The following TTC7A variants were observed in gnomAD, a reference collection of about 807,000 sequenced individuals.
The protein encoded by TTC7A is tetratricopeptide repeat domain 7A, also known as tetratricopeptide repeat protein 7A.
In TTC7A, 110 loss-of-function variants were observed where a neutral mutation model predicts 103.7. That is an observed-to-expected ratio of 1.06 (90% CI 0.91 to 1.24). The LOEUF (loss-of-function observed/expected upper bound fraction) is 1.24, where lower values mean the gene tolerates loss of function less well. Among genes scored for constraint, TTC7A ranks in the 50% most tolerant of loss-of-function variants. TTC7A has a pLI of 0.00. For missense variants in TTC7A, 1,340 were observed against 1,116.3 expected (o/e 1.20, Z -2.86); for synonymous variants, 521 against 467.9 (o/e 1.11, Z -1.47).
intron 2 of TTC7A, among the ~76,000 whole-genome samples, chr2:46,953,898 A>G (rs1356494629): frequency 1.3e-5 from 2 of 151,092 alleles, no homozygotes; most frequent in African/African-American, 4.9e-5. Context: ...CTGGGTTTCA[A>G]GCGATCCTCT....
At chr2:47,021,758 C>A in intron 11 of TTC7A, 104 bp from the exon 12 acceptor site, 1 of 878,002 alleles carries the variant, frequency 1.1e-6, no homozygotes, top group South Asian at 1.5e-5. Flanking sequence ...GGCCCTGTGA[C>A]CTTGAGCACA....
At position 47,069,283 on chromosome 2, in the gene TTC7A, G is replaced by A. The variant is rs185076714; in HGVS notation, c.2356-4419G>A. Among the ~76,000 whole-genome samples, 8 of 152,242 alleles carry A rather than the reference G, an allele frequency of 5.3e-5. No individual in the cohort carries two copies. In the East Asian group the frequency reaches 1.2e-3, roughly 22 times the overall value. On this transcript the variant is annotated intron_variant, in intron 19 of 19. Coordinates refer to ENST00000319190, the MANE Select transcript of TTC7A (RefSeq NM_020458.4). ...AGAGTCCCCCAGGATGTGACCCATC[G>A]GGCCCCTGGCCGCTGGTCCCTGCCC... is the stretch of plus-strand genomic sequence containing the variant.
intron 15 of TTC7A, among the ~76,000 whole-genome samples, chr2:47,042,702 G>GTGTGTGTGTGTGTATATATA (rs111460716): frequency 7.0e-6 from 1 of 142,636 alleles, no homozygotes; most frequent in Non-Finnish European, 1.5e-5. Context: ...GTGTGTGTGT[G>GTGTGTGTGTGTGTATATATA]TATATATATG....
chr2:47,006,243 C>A (rs1235271370), intron 9 of TTC7A, among the ~76,000 whole-genome samples, 184 bp downstream of exon 9: 1 of 152,126 alleles, frequency 6.6e-6, no homozygotes, highest in South Asian at 2.1e-4. Flanking sequence ...GTTAGAGAAC[C>A]CACCTGACAA....
At chr2:46,991,678 A>G (rs1345675709) in intron 5 of TTC7A, among the ~76,000 whole-genome samples, 2 of 152,186 alleles carry the variant, frequency 1.3e-5, no homozygotes, top group African/African-American at 4.8e-5. Context: ...TATTATTAGG[A>G]CTAATAGTGG....
chr2:46,993,155 A>C (rs1675798727), intron 5 of TTC7A, among the ~76,000 whole-genome samples: 1 of 152,222 alleles, frequency 6.6e-6, no homozygotes, highest in Non-Finnish European at 1.5e-5. Context: ...GTCCAAGGTC[A>C]CACCTTGTTT....
At chr2:47,059,151 C>T (rs1230428341) in intron 18 of TTC7A, among the ~76,000 whole-genome samples, 14 of 150,300 alleles carry the variant, frequency 9.3e-5, no homozygotes, top group African/African-American at 3.2e-4. Context: ...CTCCCAAGTA[C>T]CTGGGACCAC....
At chr2:47,054,547 A>G (rs1350323024) in intron 18 of TTC7A, among the ~76,000 whole-genome samples, 1 of 152,138 alleles carries the variant, frequency 6.6e-6, no homozygotes, top group Admixed American at 6.6e-5. Context: ...AAGTCAGGGG[A>G]TCAGGCCGGG....
rs539749387 is a variant in TTC7A at position 47,038,668 on chromosome 2, G to C, written c.1803-7647G>C. On this transcript the variant is annotated intron_variant, in intron 15 of 19. Transcript: ENST00000319190. ...CCCCCACCCACCCCCCCGACACACA[G>C]AGGGTTCCCAGAATGGCCAGGAGCC... Among the ~76,000 whole-genome samples the C allele has an allele frequency of 1.7e-4, 15 of 90,832 alleles. No individual in the cohort carries two copies. The South Asian group carries it at 6.3e-3, about 38-fold the overall frequency. The allele number at this position is 90,832 out of a possible 152,430, so 59.6% of individuals were successfully genotyped here. A position where few individuals can be genotyped will look rare whatever the true frequency, so the allele number is the denominator to read the frequency against.
intron 19 of TTC7A, among the ~76,000 whole-genome samples, chr2:47,063,238 A>G (rs1683932006): frequency 1.3e-5 from 2 of 152,174 alleles, no homozygotes; most frequent in African/African-American, 4.8e-5. Flanking sequence ...CCTTTTGTAC[A>G]TAATAATCCT....
At chr2:47,015,447 G>C (rs987286282) in intron 11 of TTC7A, among the ~76,000 whole-genome samples, 2 of 152,222 alleles carry the variant, frequency 1.3e-5, no homozygotes, top group African/African-American at 4.8e-5. Context: ...GCAGCAGGGG[G>C]TAGTGGAAAA....
At chr2:46,934,569 C>T (rs943951381) in intron 2 of TTC7A, among the ~76,000 whole-genome samples, 5 of 152,002 alleles carry the variant, frequency 3.3e-5, no homozygotes, top group African/African-American at 1.2e-4. Flanking sequence ...CCACCCAACC[C>T]GGCCTGTGAC....
At chr2:46,974,929 G>A (rs1039107643) in intron 3 of TTC7A, 44 bp from the exon 4 acceptor site, 15 of 1,601,060 alleles carry the variant, frequency 9.4e-6, no homozygotes, top group African/African-American at 1.3e-5. Context: ...TGGAGTCAGG[G>A]GGCCCGAGCA....
chr2:47,005,758 G>T (rs1183490611), intron 8 of TTC7A, among the ~76,000 whole-genome samples, 164 bp from the exon 9 acceptor site: 1 of 152,178 alleles, frequency 6.6e-6, no homozygotes, highest in East Asian at 1.9e-4. Flanking sequence ...GAGGGCCTTT[G>T]TGGAGATAGG....
At chr2:47,039,172 T>C (rs111293816) in intron 15 of TTC7A, among the ~76,000 whole-genome samples, 30 of 152,290 alleles carry the variant, frequency 2.0e-4, no homozygotes, top group African/African-American at 6.7e-4. Flanking sequence ...AGCCTGGAAG[T>C]ATACCCACAT....
intron 15 of TTC7A, chr2:47,045,421 G>A (rs1218597814): frequency 1.3e-5 from 2 of 152,250 alleles, no homozygotes; most frequent in Non-Finnish European, 2.9e-5. Context: ...GTAGAGGGAG[G>A]GAGCCAGCCA....
chr2:47,008,513 C>A (rs1677670605), intron 10 of TTC7A, among the ~76,000 whole-genome samples: 1 of 152,190 alleles, frequency 6.6e-6, no homozygotes, highest in African/African-American at 2.4e-5. Context: ...AGCAAGGTGG[C>A]CCCGGGAGTG....
At chr2:46,917,543 G>A (rs188101730) in intron 2 of TTC7A, among the ~76,000 whole-genome samples, 1 of 152,194 alleles carries the variant, frequency 6.6e-6, no homozygotes, top group Non-Finnish European at 1.5e-5. Context: ...GACAAATGAA[G>A]TGTCAAGAAG....
intron 15 of TTC7A, among the ~76,000 whole-genome samples, chr2:47,033,789 C>T (rs1239397456): frequency 6.6e-6 from 1 of 152,120 alleles, no homozygotes; most frequent in Non-Finnish European, 1.5e-5. Context: ...CCACCAACAG[C>T]GTGAGGCTGT....
Sources: gnomAD v4.1 joint callset for allele counts (sites outside exome capture counted in the v4.1 genomes callset) on GRCh38, gnomAD v4.1.1 for gene constraint, MANE v1.5 for transcripts, NCBI Gene and HGNC (gene_info 2026-07-23, HGNC 2026-07-21) for gene names.